MIB1: variants seen among roughly 807,000 people sequenced by gnomAD.
The protein encoded by MIB1 is MIB E3 ubiquitin protein ligase 1.
Under a neutral mutation model 124.5 loss-of-function variants are expected in MIB1, and 278 were observed. The observed-to-expected ratio is 2.23, with a 90% confidence interval of 2.02 to 2.47. MIB1 has a LOEUF of 2.47. Ranked by LOEUF, MIB1 falls within the 30% of genes most tolerant of loss-of-function variation. The probability of loss-of-function intolerance (pLI) is 0.00; values close to 1 mark genes in which losing one functional copy is unlikely to be tolerated. For missense variants in MIB1, 957 were observed against 1,254.4 expected, an observed-to-expected ratio of 0.76 and a Z score of 3.58; for synonymous variants, 446 against 429.4, an observed-to-expected ratio of 1.04 and a Z score of -0.48.
chr18:21,776,692 G>A (rs1568196674), intron 4 of MIB1, among the ~76,000 whole-genome samples: 1 of 152,158 alleles, frequency 6.6e-6, no homozygotes, highest in Non-Finnish European at 1.5e-5. Context: ...AAGGACTAAA[G>A]TTGATGTAAG....
At chr18:21,789,899 A>C (rs2146440844) in intron 6 of MIB1, among the ~76,000 whole-genome samples, 1 of 152,354 alleles carries the variant, frequency 6.6e-6, no homozygotes, top group South Asian at 2.1e-4. Context: ...TATTGTAGAA[A>C]CTTACTTGAC....
intron 1 of MIB1, among the ~76,000 whole-genome samples, chr18:21,730,678 C>T (rs1402012523): frequency 6.6e-6 from 1 of 152,190 alleles, no homozygotes; most frequent in Non-Finnish European, 1.5e-5. Context: ...TCCAGGTCAC[C>T]ATCTTCTCTC....
intron 12 of MIB1, among the ~76,000 whole-genome samples, 179 bp from the exon 13 acceptor site, chr18:21,838,186 C>T (rs1253721356): frequency 1.3e-5 from 2 of 151,762 alleles, no homozygotes; most frequent in African/African-American, 4.8e-5. Flanking sequence ...AGCAAGACCT[C>T]ATCTCTTAAA....
chr18:21,780,300 C>T (rs1020413361), intron 6 of MIB1, among the ~76,000 whole-genome samples: 3 of 152,040 alleles, frequency 2.0e-5, no homozygotes, highest in African/African-American at 4.8e-5. Context: ...TAACTATAGT[C>T]GCCCAACTGT....
chr18:21,792,444 C>T (rs1485412161), intron 7 of MIB1, among the ~76,000 whole-genome samples: 2 of 152,108 alleles, frequency 1.3e-5, no homozygotes, highest in African/African-American at 4.8e-5. Context: ...CCCATCTCAT[C>T]CCCTCCCATC....
chr18:21,765,662 T>G, intron 1 of MIB1, 110 bp from the exon 2 acceptor site: 4 of 1,049,656 alleles, frequency 3.8e-6, no homozygotes, highest in Non-Finnish European at 5.5e-6. Context: ...ATTTCCTAAT[T>G]TATTAGAATA....
chr18:21,741,609 T>TGATGGTGGAAGGGGTTGGC lies in MIB1; in HGVS notation c.28_46dup (p.Ala16AspfsTer72). 6.3e-7 allele frequency: 1 copy of TGATGGTGGAAGGGGTTGGC among 1,582,942 alleles called. No individual in the cohort carries two copies. The highest frequency in any genetic ancestry group is 8.6e-7 in the Non-Finnish European group (1 of 1,167,390). On this transcript the variant is annotated frameshift_variant, in exon 1 of 21. Transcript: ENST00000261537. LOFTEE classifies it high-confidence loss of function. The surrounding 1 kb of genome is among the most constrained non-coding windows in gnomAD (Gnocchi z 5.4). ...ATGAGTAACTCCCGGAATAACCGGG[T>TGATGGTGGAAGGGGTTGGC]GATGGTGGAAGGGGTTGGCGCTCGG...
intron 1 of MIB1, among the ~76,000 whole-genome samples, chr18:21,722,995 C>G (rs2040722215): frequency 6.6e-6 from 1 of 152,120 alleles, no homozygotes; most frequent in Non-Finnish European, 1.5e-5. Context: ...AAATTAAGCT[C>G]TACCTCCTGG....
rs371071208 is a variant in MIB1, at chr18:21,712,394, G to A, written n.167+7271G>A. Reference sequence around the variant, plus strand: ...ATTTCCAACCAATACGATAGAGATAGCAAAGGTAATGGGATGTCAACACTC... The same window carrying A: ...ATTTCCAACCAATACGATAGAGATAACAAAGGTAATGGGATGTCAACACTC... On this transcript the variant is annotated intron_variant and non_coding_transcript_variant, in intron 1 of 20. Transcript: ENST00000578646. 2.0e-5 allele frequency among the ~76,000 whole-genome samples: 3 copies of A among 152,104 alleles called. No homozygotes were observed. In the East Asian group the frequency reaches 5.8e-4, roughly 29 times the overall value.
intron 12 of MIB1, among the ~76,000 whole-genome samples, 160 bp from the exon 13 acceptor site, chr18:21,838,199 AAAAATT>A (rs1204178384): frequency 6.6e-5 from 10 of 152,250 alleles, no homozygotes; most frequent in Non-Finnish European, 1.2e-4. Flanking sequence ...CTCTTAAAAA[AAAAATT>A]AAATTAAAGC....
intron 4 of MIB1, among the ~76,000 whole-genome samples, chr18:21,774,692 G>A (rs1310914465): frequency 1.3e-5 from 2 of 151,924 alleles, no homozygotes; most frequent in African/African-American, 2.4e-5. Context: ...AATACATTCC[G>A]TATTCAAAGA....
chr18:21,716,365 C>A (rs1022218612), intron 1 of MIB1, among the ~76,000 whole-genome samples: 1 of 152,100 alleles, frequency 6.6e-6, no homozygotes, highest in South Asian at 2.1e-4. Flanking sequence ...CTAAAAGGAG[C>A]TCTAAATCTT....
In MIB1 at chr18:21,728,932, T is replaced by C. The variant is rs115612497; in HGVS notation, n.167+23809T>C. On this transcript the variant is annotated intron_variant and non_coding_transcript_variant, in intron 1 of 20. Coordinates refer to the MIB1 transcript ENST00000578646. The stretch of plus-strand genomic sequence containing the variant: ...CTAAGATAGGACTTCTTCTTTCATG[T>C]GACAAAAAGTCTAATGGCAGGTATC... Among the ~76,000 whole-genome samples, 323 of 152,332 alleles carry C rather than the reference T, an allele frequency of 2.1e-3. 2 individuals are homozygous for C. The highest frequency in any genetic ancestry group is 7.6e-3 in the African/African-American group (314 of 41,566).
intron 12 of MIB1, among the ~76,000 whole-genome samples, chr18:21,835,152 C>T (rs1331530737): frequency 6.6e-6 from 1 of 151,956 alleles, no homozygotes; most frequent in African/African-American, 2.4e-5. Flanking sequence ...TATGTTTAGT[C>T]TCATGTTCTT....
chr18:21,772,671 C>G (rs367599646), intron 3 of MIB1, among the ~76,000 whole-genome samples: 3 of 151,994 alleles, frequency 2.0e-5, no homozygotes, highest in Non-Finnish European at 4.4e-5. Flanking sequence ...CAATGGCAAC[C>G]CCAGTATATA....
chr18:21,807,834 C>CT (rs199687698), intron 10 of MIB1, among the ~76,000 whole-genome samples: 2,512 of 152,202 alleles, frequency 0.017, 37 homozygotes, highest in East Asian at 0.069. Context: ...TTTTTATCAA[C>CT]TTTTTTATCA....
rs1341406185 is a variant in MIB1 at position 21,749,495 on chromosome 18, T to G, written c.229+7683T>G. ...ACTAATTTTTAGCTTTTAAATTAATTTGTTACAGGAATTTCTGTTATAAAT... is the reference window on the plus strand; with the variant it reads ...ACTAATTTTTAGCTTTTAAATTAATGTGTTACAGGAATTTCTGTTATAAAT... On this transcript the variant is annotated intron_variant, in intron 1 of 20. Transcript: ENST00000261537. Among the ~76,000 whole-genome samples the G allele has an allele frequency of 2.0e-5, 3 of 152,208 alleles. No individual in the cohort carries two copies. The East Asian group carries it at 5.8e-4, about 29-fold the overall frequency.
intron 2 of MIB1, among the ~76,000 whole-genome samples, chr18:21,766,592 A>T (rs552336293): frequency 2.0e-5 from 3 of 152,260 alleles, no homozygotes; most frequent in South Asian, 2.1e-4. Context: ...ATAGGGAGGC[A>T]GCTAGGAGTA....
chr18:21,790,980 G>C (rs1216507639), intron 6 of MIB1, among the ~76,000 whole-genome samples: 4 of 152,080 alleles, frequency 2.6e-5, no homozygotes, highest in Non-Finnish European at 5.9e-5. Context: ...GAGGCAGGCA[G>C]ATCACTTGAG....
Sources: gnomAD v4.1 joint callset for allele counts (sites outside exome capture counted in the v4.1 genomes callset) on GRCh38, gnomAD v4.1.1 for gene constraint, Gnocchi (gnomAD v3.1) non-coding constraint, MANE v1.5 for transcripts, NCBI Gene and HGNC (gene_info 2026-07-23, HGNC 2026-07-21) for gene names.